The following RERE variants were observed in gnomAD, a reference collection of about 807,000 sequenced individuals.
RERE encodes arginine-glutamic acid dipeptide repeats.
Under a neutral mutation model 146.1 loss-of-function variants are expected in RERE, and 40 were observed. The observed-to-expected ratio is 0.27, with a 90% CI of 0.21 to 0.36. RERE has a LOEUF of 0.36. RERE is among the 10% of genes least tolerant of loss of function. The pLI, the probability that RERE is intolerant of heterozygous loss-of-function variation, is 1.00. For missense variants in RERE, 1,933 were observed against 2,138.7 expected (o/e 0.90, Z 1.90); for synonymous variants, 1,003 against 866.0 (o/e 1.16, Z -2.78).
At chr1:8,803,481 A>T (rs1000880378) in intron 1 of RERE, among the ~76,000 whole-genome samples, 5 of 151,480 alleles carry the variant, frequency 3.3e-5, no homozygotes, top group African/African-American at 1.2e-4. Context: ...AAATAAAAAT[A>T]AAAAAAAAGA....
In RERE at chr1:8,360,991, G is replaced by A. The variant is rs978873219; in HGVS notation, c.2516C>T (p.Pro839Leu). 5.6e-6 allele frequency: 8 copies of A among 1,438,566 alleles called. No individual in the cohort carries two copies. Among genetic ancestry groups the A allele is most frequent in the South Asian group, 1.5e-5 (1 of 68,246 alleles). 89.1% of individuals were successfully genotyped at this position (1,438,566 alleles called of 1,614,324 possible). A position where few individuals can be genotyped will look rare whatever the true frequency, so the allele number is the denominator to read the frequency against. Residue 839 changes from proline to leucine, a missense_variant, in exon 18 of 23, where the codon CCC becomes CTC. By Grantham distance (98) the Pro-to-Leu change is moderately conservative. Coordinates refer to ENST00000400908, the MANE Select transcript of RERE (RefSeq NM_001042681.2). ...LTGSAGQPSA[P>L]SHAQPPLHGQ... ...GTGCAGTGGGGGCTGGGCATGAGAG[G>A]GTGCAGAAGGCTGGCCCGCCGACCC...
intron 10 of RERE, among the ~76,000 whole-genome samples, chr1:8,493,839 A>G (rs1645009400): frequency 1.3e-5 from 2 of 152,244 alleles, no homozygotes; most frequent in Admixed American, 6.5e-5. Context: ...GACTATCAAT[A>G]TATCAGAAAT....
intron 1 of RERE, among the ~76,000 whole-genome samples, chr1:8,743,091 A>C (rs1640343754): frequency 6.6e-6 from 1 of 151,950 alleles, no homozygotes; most frequent in Admixed American, 6.6e-5. Flanking sequence ...AAAAAAAGAC[A>C]TAATAAGTAT....
rs572967484 is a variant in RERE, at chr1:8,813,394, CTTAAA to C, written c.-145+3761_-145+3765del. On this transcript the variant is annotated intron_variant, in intron 1 of 22. Coordinates refer to ENST00000400908, the MANE Select transcript of RERE (RefSeq NM_001042681.2). ...TTGGTATGTCCAACTTATTTTACTA[CTTAAA>C]TTTTTTTTGATCACTGATATTTGAA... Among the ~76,000 whole-genome samples the C allele has an allele frequency of 3.6e-4, 55 of 152,244 alleles. No homozygotes were observed. The East Asian group carries it at 4.8e-3, about 13-fold the overall frequency.
Position 8,361,273 on chromosome 1 carries a change from G to A in RERE, c.2234C>T (p.Thr745Ile), listed in dbSNP as rs1379325671. The A allele has an allele frequency of 6.3e-7, 1 of 1,593,586 alleles. No individual in the cohort carries two copies. Among genetic ancestry groups the A allele is most frequent in the South Asian group, 1.1e-5 (1 of 87,726 alleles). ...TGAGGAGGGAGCTGGGGTGACCCCA[G>A]TGGGAGCCTGCAAGGCTGGGGGCTG... is the stretch of plus-strand genomic sequence containing the variant. ...QAQPPALQAPTGVTPAPSSAP... is the reference protein window; with the variant it reads ...QAQPPALQAPIGVTPAPSSAP... The change falls in exon 18 of 23, where the codon ACT (threonine) becomes ATT (isoleucine). Residue 745 changes from threonine to isoleucine, a missense_variant. Transcript: ENST00000400908.
chr1:8,459,582 T>C (rs1644499878), intron 11 of RERE, among the ~76,000 whole-genome samples: 1 of 152,216 alleles, frequency 6.6e-6, no homozygotes, highest in Non-Finnish European at 1.5e-5. Flanking sequence ...TTCAATGTTC[T>C]GACTCAACTC....
chr1:8,438,979 G>C (rs1218131600), intron 11 of RERE, among the ~76,000 whole-genome samples: 1 of 152,042 alleles, frequency 6.6e-6, no homozygotes, highest in Admixed American at 6.6e-5. Flanking sequence ...AAAGAAAAAA[G>C]GTCCATTTCT....
chr1:8,716,058 T>A (rs552464316), intron 1 of RERE, among the ~76,000 whole-genome samples: 13 of 149,838 alleles, frequency 8.7e-5, no homozygotes, highest in African/African-American at 3.2e-4. Flanking sequence ...GGCGGGAGGA[T>A]CCCTTCAGCC....
At chr1:8,793,378 C>T (rs1047221927) in intron 1 of RERE, among the ~76,000 whole-genome samples, 1 of 152,054 alleles carries the variant, frequency 6.6e-6, no homozygotes, top group African/African-American at 2.4e-5. Context: ...TTAACATTTC[C>T]ATCCTTTACA....
intron 1 of RERE, among the ~76,000 whole-genome samples, chr1:8,672,458 G>A (rs1262740512): frequency 6.6e-6 from 1 of 152,190 alleles, no homozygotes; most frequent in Non-Finnish European, 1.5e-5. Flanking sequence ...ACAGGTGTGA[G>A]CCACCATGCT....
intron 1 of RERE, among the ~76,000 whole-genome samples, chr1:8,804,671 G>A (rs1167280866): frequency 1.3e-5 from 2 of 152,206 alleles, no homozygotes; most frequent in Admixed American, 1.3e-4. Flanking sequence ...CAAGAAGGGA[G>A]TGTGCCCAGC....
Position 8,356,462 on chromosome 1 carries a change from C to T in RERE, c.4340-216G>A, listed in dbSNP as rs548665906. The stretch of plus-strand genomic sequence containing the variant: ...GCCGAGAGAAGTGACGAGCCCACCG[C>T]TGATGCAGGCACTCCCTCGTCCGCT... On this transcript the variant is annotated intron_variant, in intron 20 of 22. Transcript: ENST00000400908. This position sits in a 1 kb window ranked among gnomAD's most constrained non-coding sequence, Gnocchi z 5.2. Among the ~76,000 whole-genome samples, 432 of 152,268 alleles carry T rather than the reference C, an allele frequency of 2.8e-3. 3 individuals are homozygous for T. Among genetic ancestry groups the T allele is most frequent in the African/African-American group, 9.9e-3 (413 of 41,548 alleles).
intron 4 of RERE, among the ~76,000 whole-genome samples, chr1:8,573,410 T>C (rs919702125): frequency 6.6e-6 from 1 of 151,460 alleles, no homozygotes; most frequent in Non-Finnish European, 1.5e-5. Flanking sequence ...ACTAGACTCT[T>C]TGAGTTCTTC....
At chr1:8,806,092 T>A (rs1402340853) in intron 1 of RERE, among the ~76,000 whole-genome samples, 1 of 151,984 alleles carries the variant, frequency 6.6e-6, no homozygotes, top group Non-Finnish European at 1.5e-5. Context: ...CCTCAGGCAA[T>A]CCGCCCGTGT....
intron 4 of RERE, among the ~76,000 whole-genome samples, chr1:8,614,280 C>T (rs754637862): frequency 2.0e-5 from 3 of 152,222 alleles, no homozygotes; most frequent in South Asian, 2.1e-4. Flanking sequence ...CATCCATACT[C>T]GCTGCTGATT....
chr1:8,771,437 T>A (rs566525022), intron 1 of RERE, among the ~76,000 whole-genome samples: 2 of 151,012 alleles, frequency 1.3e-5, no homozygotes, highest in African/African-American at 4.9e-5. Flanking sequence ...GGCAGGAGAA[T>A]CGCTTGAACC....
intron 11 of RERE, chr1:8,424,083 A>G (rs1643966965): frequency 6.6e-6 from 1 of 152,072 alleles, no homozygotes; most frequent in Non-Finnish European, 1.5e-5. Context: ...TCTCCAGCCC[A>G]CGTTCCGGAT....
At chr1:8,361,706 T>TGGGGG in intron 17 of RERE, 57 bp downstream of exon 17, 1 of 1,480,214 alleles carries the variant, frequency 6.8e-7, no homozygotes, top group Non-Finnish European at 9.4e-7. Context: ...GAACCCCGGC[T>TGGGGG]GGGGGCTTCT....
At chr1:8,521,222 A>G (rs1380075289) in intron 7 of RERE, among the ~76,000 whole-genome samples, 6 of 151,454 alleles carry the variant, frequency 4.0e-5, no homozygotes, top group Admixed American at 4.0e-4. Flanking sequence ...AGAAAAACAT[A>G]AACACTCAAA....
Sources: gnomAD v4.1 joint callset for allele counts (sites outside exome capture counted in the v4.1 genomes callset) on GRCh38, gnomAD v4.1.1 for gene constraint, Gnocchi (gnomAD v3.1) non-coding constraint, MANE v1.5 for transcripts, NCBI Gene and HGNC (gene_info 2026-07-23, HGNC 2026-07-21) for gene names.